The following SGCD variants were observed in gnomAD, a reference collection of about 807,000 sequenced individuals.
SGCD encodes sarcoglycan delta, also known as delta-sarcoglycan.
A neutral mutation model predicts 36.6 loss-of-function variants in SGCD; 18 were observed. The ratio of observed to expected loss-of-function variants is 0.49; its 90% confidence interval spans 0.34 to 0.73. The LOEUF is 0.73. Among genes scored for constraint, SGCD ranks in the 30% least tolerant of loss-of-function variants. SGCD has a pLI of 0.01. For synonymous variants in SGCD, 133 were observed against 130.6 expected, an observed-to-expected ratio of 1.02 and a Z score of -0.12; for missense variants, 387 against 346.7, an observed-to-expected ratio of 1.12 and a Z score of -0.92.
At chr5:156,704,261 T>C (rs934999268) in intron 7 of SGCD, 5 of 152,198 alleles carry the variant, frequency 3.3e-5, no homozygotes, top group African/African-American at 1.2e-4. Flanking sequence ...TTCTATCCTA[T>C]CATTTCATTC....
At chr5:156,513,281 AC>A (rs1757020655) in intron 4 of SGCD, among the ~76,000 whole-genome samples, 2 of 152,138 alleles carry the variant, frequency 1.3e-5, no homozygotes, top group African/African-American at 4.8e-5. Flanking sequence ...TTGGCAGGCA[AC>A]CAATAGGATC....
At position 155,951,323 on chromosome 5, in the gene SGCD, A is replaced by G. The variant is rs184728316; in HGVS notation, c.-282+80899A>G. ...TGAGTGGACAAATCATGGCACATTC[A>G]CATAATGGAACTCTGTAAATCCATG... On this transcript the variant is annotated intron_variant, in intron 1 of 9. Transcript: ENST00000517913. Among the ~76,000 whole-genome samples the G allele has an allele frequency of 2.1e-3, 325 of 152,310 alleles. 4 individuals are homozygous for G. Among genetic ancestry groups the G allele is most frequent in the African/African-American group, 7.4e-3 (309 of 41,580 alleles).
At chr5:155,846,822 T>C in the SGCD span, among the ~76,000 whole-genome samples, 2 of 152,208 alleles carry the variant, frequency 1.3e-5, no homozygotes, top group South Asian at 2.1e-4. Context: ...CCCTATCATA[T>C]TGGCTAGTAA....
upstream of SGCD, among the ~76,000 whole-genome samples, chr5:155,868,836 A>T (rs1423447681): frequency 6.6e-6 from 1 of 152,140 alleles, no homozygotes; most frequent in Non-Finnish European, 1.5e-5. Flanking sequence ...CAGGTCAGGG[A>T]AAATAGGATT....
chr5:156,559,443 G>A (rs1328850883), intron 4 of SGCD, among the ~76,000 whole-genome samples: 3 of 152,264 alleles, frequency 2.0e-5, no homozygotes, highest in Middle Eastern at 3.4e-3. Context: ...AACAAAAAAC[G>A]TACACTGTCT....
intron 1 of SGCD, among the ~76,000 whole-genome samples, chr5:156,075,694 A>G (rs1392446175): frequency 6.6e-6 from 1 of 152,226 alleles, no homozygotes; most frequent in African/African-American, 2.4e-5. Context: ...CTTTGTAATA[A>G]TTCAAGTGTG....
intron 3 of SGCD, among the ~76,000 whole-genome samples, chr5:156,206,444 T>G (rs1764280766): frequency 6.6e-6 from 1 of 152,080 alleles, no homozygotes; most frequent in South Asian, 2.1e-4. Flanking sequence ...TTCCTAGGGA[T>G]TGAAGCCCTA....
At chr5:156,324,686 G>C (rs1233944378), upstream of SGCD, among the ~76,000 whole-genome samples, 1 of 151,478 alleles carries the variant, frequency 6.6e-6, no homozygotes, top group African/African-American at 2.4e-5. Context: ...ATCAGCTTGA[G>C]TTTTTTTTAA....
intron 6 of SGCD, among the ~76,000 whole-genome samples, chr5:156,608,027 T>C (rs1367365999): frequency 2.6e-5 from 4 of 152,350 alleles, no homozygotes; most frequent in African/African-American, 9.6e-5. Flanking sequence ...GAAGGGTTTT[T>C]GGTGTCTCTA....
chr5:156,671,771 G>C (rs901031322), intron 7 of SGCD, among the ~76,000 whole-genome samples: 1 of 152,144 alleles, frequency 6.6e-6, no homozygotes, highest in Non-Finnish European at 1.5e-5. Flanking sequence ...GGGTCATTTG[G>C]CTCACAGTTC....
At chr5:156,504,813 G>T (rs754507908) in intron 3 of SGCD, among the ~76,000 whole-genome samples, 5 of 152,326 alleles carry the variant, frequency 3.3e-5, no homozygotes, top group Admixed American at 6.5e-5. Flanking sequence ...GGGGATATAT[G>T]TAAGTAGTGT....
At chr5:156,197,591 C>T (rs1018734904) in intron 3 of SGCD, among the ~76,000 whole-genome samples, 1 of 150,758 alleles carries the variant, frequency 6.6e-6, no homozygotes, top group South Asian at 2.1e-4. Context: ...TAATTAACAG[C>T]CAAGCAAGAG....
At chr5:156,364,723 G>T (rs1769997019) in intron 3 of SGCD, among the ~76,000 whole-genome samples, 1 of 152,164 alleles carries the variant, frequency 6.6e-6, no homozygotes, top group Admixed American at 6.5e-5. Context: ...GCTATTGTTA[G>T]TGACAGGACA....
At chr5:156,540,306 T>C (rs1313587177) in intron 4 of SGCD, among the ~76,000 whole-genome samples, 2 of 152,162 alleles carry the variant, frequency 1.3e-5, no homozygotes, top group Admixed American at 6.6e-5. Context: ...ATTTGTCACT[T>C]ATTTTTTTTA....
At chr5:156,718,331 G>T (rs962069510) in intron 7 of SGCD, among the ~76,000 whole-genome samples, 7 of 152,138 alleles carry the variant, frequency 4.6e-5, no homozygotes, top group Non-Finnish European at 8.8e-5. Flanking sequence ...AAATAGTAGG[G>T]TATGAATGTT....
chr5:156,742,156 G>A (rs752210505), intron 7 of SGCD, among the ~76,000 whole-genome samples: 8 of 152,162 alleles, frequency 5.3e-5, no homozygotes, highest in Non-Finnish European at 7.3e-5. Flanking sequence ...GATTACAGGC[G>A]TGAGCCACCG....
At chr5:156,195,361 T>C (rs756865443) in intron 3 of SGCD, among the ~76,000 whole-genome samples, 1 of 152,196 alleles carries the variant, frequency 6.6e-6, no homozygotes, top group Non-Finnish European at 1.5e-5. Context: ...AAATGAGAAA[T>C]TTTTATTCTA....
intron 3 of SGCD, among the ~76,000 whole-genome samples, chr5:156,305,531 C>T (rs550243445): frequency 6.6e-6 from 1 of 152,264 alleles, no homozygotes; most frequent in African/African-American, 2.4e-5. Context: ...GGAGTGGGGC[C>T]CTCATGGAGA....
At chr5:156,714,217 A>G (rs1017390737) in intron 7 of SGCD, among the ~76,000 whole-genome samples, 1 of 152,216 alleles carries the variant, frequency 6.6e-6, no homozygotes, top group African/African-American at 2.4e-5. Context: ...CTGAGGTGGA[A>G]CCAGGTGATG....
Sources: gnomAD v4.1 joint callset for allele counts (sites outside exome capture counted in the v4.1 genomes callset) on GRCh38, gnomAD v4.1.1 for gene constraint, MANE v1.5 for transcripts, NCBI Gene and HGNC (gene_info 2026-07-23, HGNC 2026-07-21) for gene names.